The following PITPNB variants were observed in gnomAD, a reference collection of about 807,000 sequenced individuals.
PITPNB encodes phosphatidylinositol transfer protein beta, also known as phosphatidylinositol transfer protein beta isoform.
Under a neutral mutation model 45.9 loss-of-function variants are expected in PITPNB, and 16 were observed. That is an observed-to-expected ratio of 0.35 (90% confidence interval 0.24 to 0.53). The LOEUF is 0.53. PITPNB is among the 20% of genes least tolerant of loss of function. The probability of loss-of-function intolerance (pLI) is 0.93; values close to 1 mark genes in which losing one functional copy is unlikely to be tolerated. For synonymous variants in PITPNB, 112 were observed against 108.9 expected, an observed-to-expected ratio of 1.03 and a Z score of -0.18; for missense variants, 188 against 330.5, an observed-to-expected ratio of 0.57 and a Z score of 3.34.
intron 10 of PITPNB, among the ~76,000 whole-genome samples, chr22:27,857,620 C>T (rs1934209743): frequency 6.6e-6 from 1 of 152,218 alleles, no homozygotes; most frequent in Non-Finnish European, 1.5e-5. Flanking sequence ...ATGGAAACCA[C>T]TAGCAGGCCC....
At chr22:27,868,155 T>A (rs1276961469) in intron 8 of PITPNB, among the ~76,000 whole-genome samples, 1 of 152,198 alleles carries the variant, frequency 6.6e-6, no homozygotes, top group Non-Finnish European at 1.5e-5. Context: ...AAATGCTTCG[T>A]ATCCTCCCTG....
intron 8 of PITPNB, among the ~76,000 whole-genome samples, chr22:27,867,351 T>C (rs1329681343): frequency 6.6e-6 from 1 of 152,162 alleles, no homozygotes. Flanking sequence ...TCTAGTGGCA[T>C]TCAAAGGTGG....
At chr22:27,879,095 G>C (rs946631585) in intron 7 of PITPNB, among the ~76,000 whole-genome samples, 8 of 152,040 alleles carry the variant, frequency 5.3e-5, no homozygotes, top group African/African-American at 1.9e-4. Context: ...GAGATGGTGG[G>C]GGTGAGCCTG....
chr22:27,893,316 G>A (rs908049893), intron 7 of PITPNB, among the ~76,000 whole-genome samples: 3 of 148,648 alleles, frequency 2.0e-5, no homozygotes, highest in Non-Finnish European at 4.4e-5. Context: ...ACGGAGTCTC[G>A]CTCTGTTGTC....
In PITPNB at chr22:27,891,067, TA is replaced by T. The variant is rs145353494; in HGVS notation, c.456+3487del. ...AAACAGGTTAGCAGTTGCCAGAGGT[TA>T]GGGGGAAGGAGAATCAGGGAACGAC... On this transcript the variant is annotated intron_variant, in intron 7 of 11. Coordinates refer to ENST00000335272, the MANE Select transcript of PITPNB (RefSeq NM_012399.5). Among the ~76,000 whole-genome samples the T allele has an allele frequency of 5.0e-3, 756 of 152,202 alleles. 1 individual carries two copies. Among genetic ancestry groups the T allele is most frequent in the Non-Finnish European group, 8.9e-3 (607 of 67,982 alleles).
rs183727802 is a variant in PITPNB at position 27,883,530 on chromosome 22, A to C, written c.457-9715T>G. Among the ~76,000 whole-genome samples the C allele has an allele frequency of 9.8e-5, 15 of 152,382 alleles. No homozygotes were observed. The East Asian group carries it at 2.9e-3, about 29-fold the overall frequency. On this transcript the variant is annotated intron_variant, in intron 7 of 11. Transcript: ENST00000335272. ...GCGCAGGAATGGCCTGGAGGGCCAG[A>C]AAGAGCCCTGAGCCCTACTCCAAAG... is the stretch of plus-strand genomic sequence containing the variant.
chr22:27,854,744 C>A, intron 11 of PITPNB, 110 bp downstream of exon 11: 1 of 563,586 alleles, frequency 1.8e-6, no homozygotes. Flanking sequence ...CTTTTAAATT[C>A]TAAAAATAAA....
At chr22:27,880,652 C>T (rs1416596104) in intron 7 of PITPNB, among the ~76,000 whole-genome samples, 8 of 150,608 alleles carry the variant, frequency 5.3e-5, no homozygotes, top group East Asian at 2.0e-4. Flanking sequence ...GATGGAGTTT[C>T]GCTCTTGTTG....
chr22:27,916,638 T>C (rs879434800), intron 1 of PITPNB, among the ~76,000 whole-genome samples: 1 of 152,078 alleles, frequency 6.6e-6, no homozygotes, highest in African/African-American at 2.4e-5. Flanking sequence ...CTGTCTCTAC[T>C]AAAAATACAA....
chr22:27,900,011 T>G (rs898241621), intron 3 of PITPNB, among the ~76,000 whole-genome samples: 6 of 152,052 alleles, frequency 3.9e-5, no homozygotes, highest in African/African-American at 1.4e-4. Flanking sequence ...GAGACCAGCC[T>G]GGCCAACATG....
chr22:27,858,424 C>T lies in PITPNB; in HGVS notation c.731G>A (p.Arg244Lys). The T allele has an allele frequency of 6.2e-7, 1 of 1,609,852 alleles. No individual in the cohort carries two copies. The highest frequency in any genetic ancestry group is 8.5e-7 in the Non-Finnish European group (1 of 1,177,110). ...TTTCTGAGTCTCGTCTTCCATTCTC[C>T]TAATGTCTTCCATCGTGAGATCGAT... ...KWIDLTMEDI[R>K]RMEDETQKEL... Residue 244 changes from arginine to lysine, a missense_variant, in exon 10 of 12, where the codon AGG (arginine) becomes AAG (lysine). Arg to Lys is a conservative substitution (Grantham distance 26, BLOSUM62 2). Transcript: ENST00000335272.
intron 7 of PITPNB, among the ~76,000 whole-genome samples, chr22:27,888,701 T>C (rs1350904878): frequency 6.6e-6 from 1 of 152,140 alleles, no homozygotes; most frequent in Non-Finnish European, 1.5e-5. Flanking sequence ...TGATTTCAAC[T>C]TGAAAGAAAT....
rs1158093558 is a variant in PITPNB, at chr22:27,853,640, C to G, written c.*62G>C. Reference sequence around the variant, plus strand: ...ACTCATCACTGGCTGCGCTTGTTCCCCTCACTTGACCTTGATTACGTAACT... The same window carrying G: ...ACTCATCACTGGCTGCGCTTGTTCCGCTCACTTGACCTTGATTACGTAACT... On this transcript the variant is annotated 3_prime_UTR_variant, in exon 12 of 12. Transcript: ENST00000335272. The G allele has an allele frequency of 4.5e-6, 7 of 1,550,722 alleles. No homozygotes were observed. The highest frequency in any genetic ancestry group is 2.0e-5 in the Admixed American group (1 of 50,992).
intron 3 of PITPNB, among the ~76,000 whole-genome samples, chr22:27,903,417 C>T (rs1293828830): frequency 1.4e-5 from 2 of 146,698 alleles, no homozygotes; most frequent in Non-Finnish European, 3.0e-5. Context: ...TGTGGTGAGC[C>T]GAGATCACGC....
At chr22:27,902,709 A>G (rs1330548821) in intron 3 of PITPNB, among the ~76,000 whole-genome samples, 1 of 152,196 alleles carries the variant, frequency 6.6e-6, no homozygotes. Flanking sequence ...CATCAAAATC[A>G]TAAACTATTT....
intron 8 of PITPNB, 140 bp from the exon 9 acceptor site, chr22:27,860,381 T>C (rs965599683): frequency 2.4e-5 from 14 of 572,576 alleles, no homozygotes; most frequent in East Asian, 5.7e-5. Context: ...ATTTGAAAAT[T>C]TGAAATCATT....
chr22:27,884,163 G>A (rs1338750147), intron 7 of PITPNB, among the ~76,000 whole-genome samples: 3 of 152,220 alleles, frequency 2.0e-5, no homozygotes, highest in African/African-American at 7.2e-5. Flanking sequence ...TGGCTGCCTG[G>A]GGCAGGCAGG....
intron 7 of PITPNB, among the ~76,000 whole-genome samples, chr22:27,887,666 T>C (rs993226942): frequency 6.6e-6 from 1 of 152,026 alleles, no homozygotes; most frequent in African/African-American, 2.4e-5. Flanking sequence ...AAGCTCTCGA[T>C]TCTAGTGTCA....
At chr22:27,855,911 T>A (rs1449386190) in intron 10 of PITPNB, among the ~76,000 whole-genome samples, 1 of 152,212 alleles carries the variant, frequency 6.6e-6, no homozygotes, top group Admixed American at 6.5e-5. Context: ...TGAAGAGGAC[T>A]CTAAAATGGG....
Sources: allele counts gnomAD v4.1 joint callset (sites outside exome capture counted in the v4.1 genomes callset), GRCh38; gene constraint gnomAD v4.1.1; transcripts MANE v1.5; gene names NCBI Gene and HGNC (gene_info 2026-07-23, HGNC 2026-07-21).